The following ABLIM3 variants were observed in gnomAD, a reference collection of about 807,000 sequenced individuals.
ABLIM3 encodes the protein actin binding LIM protein family member 3, also known as actin-binding LIM protein 3.
Under a neutral mutation model 109.5 loss-of-function variants are expected in ABLIM3, and 61 were observed. The ratio of observed to expected loss-of-function variants is 0.56; its 90% CI spans 0.45 to 0.69. ABLIM3 has a LOEUF of 0.69. Ranked by LOEUF, ABLIM3 falls within the 30% of genes least tolerant of loss-of-function variation. ABLIM3 has a pLI of 0.00. For synonymous variants in ABLIM3, 300 were observed against 324.8 expected, an observed-to-expected ratio of 0.92 and a Z score of 0.82; for missense variants, 796 against 889.5, an observed-to-expected ratio of 0.89 and a Z score of 1.34.
At chr5:149,172,946 AACTG>A (rs1379970987) in intron 2 of ABLIM3, among the ~76,000 whole-genome samples, 1 of 152,254 alleles carries the variant, frequency 6.6e-6, no homozygotes, top group Non-Finnish European at 1.5e-5. Context: ...GCCTCACAAA[AACTG>A]AATGACAGAC....
At chr5:149,233,979 CAT>C (rs1762113266) in intron 10 of ABLIM3, among the ~76,000 whole-genome samples, 2 of 152,230 alleles carry the variant, frequency 1.3e-5, no homozygotes, top group African/African-American at 4.8e-5. Flanking sequence ...ATTCAACAAA[CAT>C]GTGCCAAGCA....
In ABLIM3 at chr5:149,259,008, C is replaced by A; in HGVS notation, c.*604C>A. The A allele has an allele frequency of 1.0e-6, 1 of 999,724 alleles. No individual in the cohort carries two copies. The highest frequency in any genetic ancestry group is 1.2e-6 in the Non-Finnish European group (1 of 838,384). The allele number at this position is 999,724 out of a possible 1,614,324, so 61.9% of individuals were successfully genotyped here. A position where few individuals can be genotyped will look rare whatever the true frequency, so the allele number is the denominator to read the frequency against. ...ACAGGGCCTAGGCCTCTCCTCAGCT[C>A]CTTAACCCTCCTCCTTCTGCCCTGG... On this transcript the variant is annotated 3_prime_UTR_variant, in exon 24 of 24. Coordinates refer to ENST00000309868, the MANE Select transcript of ABLIM3 (RefSeq NM_014945.5).
chr5:149,169,309 A>G (rs1372051456), intron 2 of ABLIM3, among the ~76,000 whole-genome samples: 2 of 152,044 alleles, frequency 1.3e-5, no homozygotes, highest in Admixed American at 6.5e-5. Flanking sequence ...ACTCAGCAAC[A>G]CCATCAAGAC....
intron 6 of ABLIM3, among the ~76,000 whole-genome samples, chr5:149,209,093 C>A (rs537313321): frequency 6.6e-6 from 1 of 152,140 alleles, no homozygotes; most frequent in East Asian, 1.9e-4. Context: ...CGAGAGCTCT[C>A]GATGCCATGC....
At chr5:149,236,105 A>C (rs1288791758) in intron 10 of ABLIM3, among the ~76,000 whole-genome samples, 2 of 152,164 alleles carry the variant, frequency 1.3e-5, no homozygotes, top group African/African-American at 2.4e-5. Context: ...GGCTAAACCC[A>C]ACTGAAAGTC....
intron 7 of ABLIM3, among the ~76,000 whole-genome samples, chr5:149,211,990 C>T (rs768474774): frequency 2.0e-5 from 3 of 151,968 alleles, no homozygotes; most frequent in Non-Finnish European, 2.9e-5. Flanking sequence ...ACCCAGTCTG[C>T]CAATGTGGCT....
chr5:149,206,518 T>C (rs948528417), intron 5 of ABLIM3, among the ~76,000 whole-genome samples: 5 of 152,238 alleles, frequency 3.3e-5, no homozygotes, highest in African/African-American at 4.8e-5. Flanking sequence ...CCAATGTGTA[T>C]ATAGCCTAAG....
At chr5:149,168,179 G>A (rs887751494) in intron 2 of ABLIM3, among the ~76,000 whole-genome samples, 2 of 152,218 alleles carry the variant, frequency 1.3e-5, no homozygotes, top group Non-Finnish European at 2.9e-5. Context: ...CTAGAGAAGA[G>A]ATGCGGTAGA....
chr5:149,259,401 C>T lies in ABLIM3; in HGVS notation c.*997C>T, dbSNP rs1480928223. The T allele has an allele frequency of 6.0e-6, 9 of 1,489,696 alleles. No individual in the cohort carries two copies. Among genetic ancestry groups the T allele is most frequent in the Non-Finnish European group, 8.0e-6 (9 of 1,122,948 alleles). The allele number at this position is 1,489,696 out of a possible 1,614,324, so 92.3% of individuals were successfully genotyped here. On this transcript the variant is annotated 3_prime_UTR_variant, in exon 24 of 24. Transcript: ENST00000309868. ...TCCAACTGAACAACCAGACAGACAA[C>T]TCTCATCATCCTCCAGAGAGAAAAT... is the stretch of plus-strand genomic sequence containing the variant.
intron 3 of ABLIM3, among the ~76,000 whole-genome samples, chr5:149,196,294 T>A (rs1244335405): frequency 6.6e-6 from 1 of 152,244 alleles, no homozygotes; most frequent in African/African-American, 2.4e-5. Context: ...CCTGGCTGCT[T>A]TTGCAAAACA....
intron 2 of ABLIM3, among the ~76,000 whole-genome samples, chr5:149,164,745 C>A (rs1470062251): frequency 6.6e-6 from 1 of 152,086 alleles, no homozygotes; most frequent in Non-Finnish European, 1.5e-5. Context: ...AGGGGAGAAG[C>A]AGGAAGTATT....
chr5:149,169,070 T>A (rs1755105672), intron 2 of ABLIM3, among the ~76,000 whole-genome samples: 1 of 151,986 alleles, frequency 6.6e-6, no homozygotes, highest in African/African-American at 2.4e-5. Context: ...TTCCCACCAC[T>A]GACTTTGCTG....
At chr5:149,168,711 G>T (rs1194246190) in intron 2 of ABLIM3, among the ~76,000 whole-genome samples, 1 of 152,216 alleles carries the variant, frequency 6.6e-6, no homozygotes, top group East Asian at 1.9e-4. Context: ...ACACATCAGA[G>T]AAAATATACT....
intron 2 of ABLIM3, among the ~76,000 whole-genome samples, chr5:149,156,969 G>C (rs1753911687): frequency 6.6e-6 from 1 of 152,242 alleles, no homozygotes; most frequent in Non-Finnish European, 1.5e-5. Flanking sequence ...ATTCTAGTCT[G>C]AGATTCTAGT....
chr5:149,242,656 C>A, intron 15 of ABLIM3, 118 bp downstream of exon 15: 2 of 1,122,648 alleles, frequency 1.8e-6, no homozygotes, highest in South Asian at 1.3e-5. Context: ...GCATCTTGGT[C>A]CTTCTTGTTG....
intron 18 of ABLIM3, among the ~76,000 whole-genome samples, chr5:149,248,361 A>G (rs1354668067): frequency 1.3e-5 from 2 of 152,196 alleles, no homozygotes; most frequent in Non-Finnish European, 2.9e-5. Context: ...GCTTTGGGGC[A>G]TCTGAAGCTC....
rs777942011 is a variant in ABLIM3 at position 149,183,529 on chromosome 5, A to G, written c.91A>G (p.Lys31Glu). The change falls in exon 3 of 24, where the codon AAA becomes GAA. Residue 31 changes from lysine to glutamate, a missense_variant. Lys to Glu is a moderately conservative substitution (Grantham distance 56). Transcript: ENST00000309868. The stretch of plus-strand genomic sequence containing the variant: ...GTGCTACCGCTGTGGAGACACCTGC[A>G]AAGGGGAAGTGGTCCGCGTGCACAA... ...IQCYRCGDTC[K>E]GEVVRVHNNH... 1.9e-6 allele frequency: 3 copies of G among 1,600,008 alleles called. No individual in the cohort carries two copies. The South Asian group carries it at 3.4e-5, about 18-fold the overall frequency.
In ABLIM3 at chr5:149,246,549, G is replaced by A. The variant is rs1159920309; in HGVS notation, c.1551+3G>A. 2.5e-6 allele frequency: 4 copies of A among 1,614,040 alleles called. No homozygotes were observed. Among genetic ancestry groups the A allele is most frequent in the East Asian group, 2.2e-5 (1 of 44,886 alleles). ...ATTTTGACCGCAGCATGCACAAGGT[G>A]GGCAGAGACCACAGCACTGAATATG... On this transcript the variant is annotated splice_donor_region_variant and intron_variant, in intron 17 of 23. Transcript: ENST00000309868.
chr5:149,233,439 C>A, intron 10 of ABLIM3, 139 bp downstream of exon 10: 1 of 901,472 alleles, frequency 1.1e-6, no homozygotes, highest in South Asian at 1.5e-5. Context: ...AGGCTCTGTA[C>A]CAGGTCTTGA....
Sources: allele counts gnomAD v4.1 joint callset (sites outside exome capture counted in the v4.1 genomes callset), GRCh38; gene constraint gnomAD v4.1.1; transcripts MANE v1.5; gene names NCBI Gene and HGNC (gene_info 2026-07-23, HGNC 2026-07-21).